Variants in ZNF804B observed in about 807,000 individuals in gnomAD.
The protein encoded by ZNF804B is zinc finger protein 804B, also known as zinc finger 804B.
In ZNF804B, 80 loss-of-function variants were observed where a neutral mutation model predicts 101.4. The ratio of observed to expected loss-of-function variants is 0.79; its 90% CI spans 0.66 to 0.95. ZNF804B has a LOEUF of 0.95. Among genes scored for constraint, ZNF804B ranks in the 40% least tolerant of loss-of-function variants. The pLI, the probability that ZNF804B is intolerant of heterozygous loss-of-function variation, is 0.00. For synonymous variants in ZNF804B, 622 were observed against 558.8 expected (o/e 1.11, Z -1.59); for missense variants, 1,673 against 1,561.9 (o/e 1.07, Z -1.20).
rs540619821 is a variant in ZNF804B, at chr7:88,974,341, G to C, written c.108+214257G>C. Among the ~76,000 whole-genome samples the C allele has an allele frequency of 2.6e-5, 4 of 151,242 alleles. No homozygotes were observed. The East Asian group carries it at 7.8e-4, about 30-fold the overall frequency. Reference sequence around the variant, plus strand: ...TGTTGACTACAGTTGACAATATATTGTATTATTGAAAGATGTTAAGAAAGT... The same window carrying C: ...TGTTGACTACAGTTGACAATATATTCTATTATTGAAAGATGTTAAGAAAGT... On this transcript the variant is annotated intron_variant, in intron 1 of 3. Coordinates refer to ENST00000333190, the MANE Select transcript of ZNF804B (RefSeq NM_181646.5).
At chr7:89,022,582 A>G (rs1788683978) in intron 1 of ZNF804B, among the ~76,000 whole-genome samples, 1 of 152,234 alleles carries the variant, frequency 6.6e-6, no homozygotes, top group African/African-American at 2.4e-5. Flanking sequence ...TAAAGGGCAC[A>G]TAGGCTTGTA....
chr7:88,926,361 C>T (rs1002167398), intron 1 of ZNF804B, among the ~76,000 whole-genome samples: 9 of 149,906 alleles, frequency 6.0e-5, no homozygotes, highest in South Asian at 2.1e-4. Context: ...CTGAGGCAGG[C>T]GGATCACTTG....
intron 1 of ZNF804B, among the ~76,000 whole-genome samples, chr7:88,870,478 C>T (rs895941291): frequency 4.0e-5 from 6 of 151,036 alleles, no homozygotes; most frequent in Admixed American, 1.3e-4. Flanking sequence ...AACTGCTGCA[C>T]TATTTCATTA....
Position 89,255,404 on chromosome 7 carries a change from G to A in ZNF804B, c.249+37109G>A, listed in dbSNP as rs1472130839. Among the ~76,000 whole-genome samples the A allele has an allele frequency of 3.3e-5, 5 of 152,264 alleles. No homozygotes were observed. The East Asian group carries it at 5.8e-4, about 18-fold the overall frequency. On this transcript the variant is annotated intron_variant, in intron 2 of 3. Transcript: ENST00000333190. ...GTGATTAAAACAGAACAGTGGTGAG[G>A]AAGAGATAGACAAGTAAAAAAATGG... is the stretch of plus-strand genomic sequence containing the variant.
At chr7:89,217,669 T>A (rs1345170828) in intron 1 of ZNF804B, among the ~76,000 whole-genome samples, 3 of 152,206 alleles carry the variant, frequency 2.0e-5, no homozygotes, top group Non-Finnish European at 4.4e-5. Flanking sequence ...CAGGAACTGA[T>A]GCTTGTGGAG....
intron 2 of ZNF804B, among the ~76,000 whole-genome samples, chr7:89,320,816 T>C (rs939666506): frequency 2.0e-5 from 3 of 152,026 alleles, no homozygotes; most frequent in Non-Finnish European, 2.9e-5. Flanking sequence ...AATAAGAAGA[T>C]AGCAGACATT....
rs570504966 is a variant in ZNF804B, at chr7:89,240,687, C to G, written c.249+22392C>G. Among the ~76,000 whole-genome samples, 3 of 151,908 alleles carry G rather than the reference C, an allele frequency of 2.0e-5. No homozygotes were observed. The South Asian group carries it at 6.2e-4, about 32-fold the overall frequency. On this transcript the variant is annotated intron_variant, in intron 2 of 3. Transcript: ENST00000333190. ...CTTCTTTACCTTGCATTTTTTTCCA[C>G]TTTTATCTTCATCTTCCTTGGCTCT...
chr7:89,001,702 G>A (rs527653908), intron 1 of ZNF804B, among the ~76,000 whole-genome samples: 8 of 151,800 alleles, frequency 5.3e-5, no homozygotes, highest in South Asian at 2.1e-4. Context: ...TGATGATTAG[G>A]GCTAAATAGT....
intron 1 of ZNF804B, among the ~76,000 whole-genome samples, chr7:88,955,682 G>T (rs1384015763): frequency 6.6e-6 from 1 of 151,524 alleles, no homozygotes; most frequent in Non-Finnish European, 1.5e-5. Context: ...CCAGGACATT[G>T]GTCTAGGCCA....
chr7:89,089,477 G>A (rs989441458), intron 1 of ZNF804B, among the ~76,000 whole-genome samples: 1 of 151,732 alleles, frequency 6.6e-6, no homozygotes, highest in Non-Finnish European at 1.5e-5. Context: ...TTTCTTAATA[G>A]CCTCCTCTGT....
At chr7:89,042,416 A>G (rs777334775) in intron 1 of ZNF804B, among the ~76,000 whole-genome samples, 21 of 152,170 alleles carry the variant, frequency 1.4e-4, no homozygotes, top group Non-Finnish European at 5.9e-5. Context: ...TCTTACTTGA[A>G]TAATATGTGG....
At chr7:89,052,230 T>G (rs1789217584) in intron 1 of ZNF804B, among the ~76,000 whole-genome samples, 1 of 152,106 alleles carries the variant, frequency 6.6e-6, no homozygotes, top group East Asian at 1.9e-4. Flanking sequence ...CTCCAGCTCC[T>G]GGGCTCAAGT....
chr7:88,901,168 A>C (rs992776111), intron 1 of ZNF804B, among the ~76,000 whole-genome samples: 1 of 151,840 alleles, frequency 6.6e-6, no homozygotes, highest in Admixed American at 6.6e-5. Context: ...TAATTCATTA[A>C]AATTATAACT....
intron 2 of ZNF804B, among the ~76,000 whole-genome samples, chr7:89,273,119 A>G (rs1789924165): frequency 6.6e-6 from 1 of 152,176 alleles, no homozygotes. Flanking sequence ...AAACCTAAGC[A>G]CTATGTCATC....
chr7:88,834,330 A>G (rs990600627), intron 1 of ZNF804B, among the ~76,000 whole-genome samples: 1 of 151,808 alleles, frequency 6.6e-6, no homozygotes, highest in African/African-American at 2.4e-5. Flanking sequence ...GAGTGTAGCT[A>G]AAAACCTAGT....
At chr7:89,031,679 A>G (rs80219644) in intron 1 of ZNF804B, among the ~76,000 whole-genome samples, 2,475 of 150,744 alleles carry the variant, frequency 0.016, 34 homozygotes, top group Non-Finnish European at 0.026. Context: ...TTTTTTCCCA[A>G]ATGTACAGCG....
intron 1 of ZNF804B, among the ~76,000 whole-genome samples, chr7:89,089,489 A>G (rs1789851766): frequency 6.6e-6 from 1 of 152,058 alleles, no homozygotes; most frequent in Non-Finnish European, 1.5e-5. Context: ...CTCCTCTGTA[A>G]AATGGAAATG....
At chr7:88,868,287 T>C (rs915538014) in intron 1 of ZNF804B, among the ~76,000 whole-genome samples, 5 of 152,142 alleles carry the variant, frequency 3.3e-5, no homozygotes, top group African/African-American at 9.7e-5. Flanking sequence ...CCAGTCCTCC[T>C]TGCTGCTCAT....
chr7:89,042,879 A>G (rs1245560262), intron 1 of ZNF804B, among the ~76,000 whole-genome samples: 1 of 152,214 alleles, frequency 6.6e-6, no homozygotes. Flanking sequence ...GATGTGAGAT[A>G]GGAGCAGGTT....
Sources: allele counts gnomAD v4.1 joint callset (sites outside exome capture counted in the v4.1 genomes callset), GRCh38; gene constraint gnomAD v4.1.1; transcripts MANE v1.5; gene names NCBI Gene and HGNC (gene_info 2026-07-23, HGNC 2026-07-21).